Variants in SLC26A2 observed in about 807,000 individuals in gnomAD.
SLC26A2 encodes solute carrier family 26 member 2, also known as sulfate transporter.
A neutral mutation model predicts 41.1 loss-of-function variants in SLC26A2; 36 were observed. The ratio of observed to expected loss-of-function variants is 0.88; its 90% CI spans 0.67 to 1.16. The LOEUF (loss-of-function observed/expected upper bound fraction) is 1.16. Among genes scored for constraint, SLC26A2 ranks in the 50% most tolerant of loss-of-function variants. The pLI is 0.00. For missense variants in SLC26A2, 796 were observed against 869.6 expected (o/e 0.92, Z 1.07); for synonymous variants, 291 against 311.6 (o/e 0.93, Z 0.70).
At position 149,980,979 on chromosome 5, in the gene SLC26A2, G is replaced by A; in HGVS notation, c.1386G>A (p.Leu462=). 1.2e-6 allele frequency: 2 copies of A among 1,614,084 alleles called. No homozygotes were observed. The highest frequency in any genetic ancestry group is 1.7e-6 in the Non-Finnish European group (2 of 1,179,994). Residue 462 remains leucine (L), a synonymous_variant, in exon 3 of 3, where the codon CTG becomes CTA. Coordinates refer to ENST00000286298, the MANE Select transcript of SLC26A2 (RefSeq NM_000112.4). ...HTQLSGVVTA[L]VLLLVLLVIA... is the part of the protein sequence containing the mutation. Reference sequence around the variant, plus strand: ...AGCTTTCTGGTGTGGTAACAGCCCTGGTTCTTTTGTTGGTCCTCCTAGTAA... The same window carrying A: ...AGCTTTCTGGTGTGGTAACAGCCCTAGTTCTTTTGTTGGTCCTCCTAGTAA...
intron 1 of SLC26A2, among the ~76,000 whole-genome samples, chr5:149,964,361 C>T (rs939622641): frequency 5.9e-5 from 9 of 152,082 alleles, no homozygotes; most frequent in African/African-American, 1.9e-4. Flanking sequence ...GGCATGGTGG[C>T]GTGCACTTGT....
Position 149,984,261 on chromosome 5 carries a change from C to G in SLC26A2, c.*2448C>G, listed in dbSNP as rs962536306. 4 of 152,214 alleles carry G rather than the reference C, an allele frequency of 2.6e-5. No homozygotes were observed. The highest frequency in any genetic ancestry group is 7.2e-5 in the African/African-American group (3 of 41,438). 9.4% of individuals were successfully genotyped at this position (152,214 alleles called of 1,614,324 possible). A position where few individuals can be genotyped will look rare whatever the true frequency, so the allele number is the denominator to read the frequency against. Reference sequence around the variant, plus strand: ...GTCACTAGAATTTACATTTCATCCTCTCTACTTGGGTTGAGGTTGCCTATA... The same window carrying G: ...GTCACTAGAATTTACATTTCATCCTGTCTACTTGGGTTGAGGTTGCCTATA... On this transcript the variant is annotated 3_prime_UTR_variant, in exon 3 of 3. Transcript: ENST00000286298.
intron 1 of SLC26A2, among the ~76,000 whole-genome samples, chr5:149,970,073 T>C (rs1292112433): frequency 6.6e-6 from 1 of 152,174 alleles, no homozygotes; most frequent in East Asian, 1.9e-4. Context: ...TAAATAATAG[T>C]TTTGCTTATA....
chr5:149,974,842 C>T (rs1469505519), intron 1 of SLC26A2, among the ~76,000 whole-genome samples: 1 of 151,296 alleles, frequency 6.6e-6, no homozygotes, highest in African/African-American at 2.4e-5. Context: ...TCTCCTGCCT[C>T]GGCCTCGCGA....
intron 1 of SLC26A2, among the ~76,000 whole-genome samples, chr5:149,974,193 T>C (rs1233593710): frequency 6.6e-6 from 1 of 152,168 alleles, no homozygotes; most frequent in Non-Finnish European, 1.5e-5. Context: ...TACCACTCCA[T>C]CATGTTCTGG....
intron 1 of SLC26A2, among the ~76,000 whole-genome samples, chr5:149,964,438 C>G (rs1266146823): frequency 6.6e-6 from 1 of 152,144 alleles, no homozygotes; most frequent in African/African-American, 2.4e-5. Context: ...GATCATGCCA[C>G]TGCACTCCAG....
At chr5:149,969,559 A>G (rs1450272417) in intron 1 of SLC26A2, among the ~76,000 whole-genome samples, 1 of 151,974 alleles carries the variant, frequency 6.6e-6, no homozygotes, top group African/African-American at 2.4e-5. Flanking sequence ...TTCATCTTAG[A>G]TTTGTCTGTG....
rs1263341163 is a variant in SLC26A2 at position 149,986,809 on chromosome 5, T to C, written c.*4996T>C. The C allele has an allele frequency of 6.6e-6, 1 of 152,240 alleles. No homozygotes were observed. Among genetic ancestry groups the C allele is most frequent in the Non-Finnish European group, 1.5e-5 (1 of 68,046 alleles). 9.4% of individuals were successfully genotyped at this position (152,240 alleles called of 1,614,324 possible). ...AGCTTTAATCAACTTATTTTGGAGA[T>C]GTTCTCTTCCCTTATCTCATGCGTC... On this transcript the variant is annotated 3_prime_UTR_variant, in exon 3 of 3. Coordinates refer to ENST00000286298, the MANE Select transcript of SLC26A2 (RefSeq NM_000112.4).
chr5:149,982,643 A>T lies in SLC26A2; in HGVS notation c.*830A>T, dbSNP rs1406624403. 1 of 152,170 alleles carries T rather than the reference A, an allele frequency of 6.6e-6. No individual in the cohort carries two copies. The highest frequency in any genetic ancestry group is 1.5e-5 in the Non-Finnish European group (1 of 68,040). 9.4% of individuals were successfully genotyped at this position (152,170 alleles called of 1,614,324 possible). A position where few individuals can be genotyped will look rare whatever the true frequency, so the allele number is the denominator to read the frequency against. On this transcript the variant is annotated 3_prime_UTR_variant, in exon 3 of 3. Transcript: ENST00000286298. ...CTCTATTTTAGCTTTCAGTTATTCT[A>T]GTTTGTTTCCCATGGAATCTGTCCT...
chr5:149,978,532 T>A (rs1755037802), intron 2 of SLC26A2, among the ~76,000 whole-genome samples, 181 bp downstream of exon 2: 1 of 152,184 alleles, frequency 6.6e-6, no homozygotes, highest in Non-Finnish European at 1.5e-5. Context: ...AATATAAGGC[T>A]GGTTCACTGG....
chr5:149,976,229 C>T (rs1561818056), intron 1 of SLC26A2, among the ~76,000 whole-genome samples: 1 of 152,016 alleles, frequency 6.6e-6, no homozygotes, highest in Non-Finnish European at 1.5e-5. Context: ...TTCATTCATT[C>T]AAATGTTTTG....
At position 149,981,032 on chromosome 5, in the gene SLC26A2, A is replaced by G. The variant is rs756610256; in HGVS notation, c.1439A>G (p.Lys480Arg). Residue 480 changes from lysine (K) to arginine (R), a missense_variant, in exon 3 of 3, where the codon AAA becomes AGA. Coordinates refer to ENST00000286298, the MANE Select transcript of SLC26A2 (RefSeq NM_000112.4). The part of the protein sequence containing the change: ...VIAPLFYSLQ[K>R]SVLGVITIVN... ...GCTCCTTTGTTCTATTCCCTTCAAAAAAGTGTCCTTGGTGTGATCACAATT... is the reference window on the plus strand; with the variant it reads ...GCTCCTTTGTTCTATTCCCTTCAAAGAAGTGTCCTTGGTGTGATCACAATT... 1.9e-6 allele frequency: 3 copies of G among 1,614,118 alleles called. No homozygotes were observed. The highest frequency in any genetic ancestry group is 2.5e-6 in the Non-Finnish European group (3 of 1,180,012).
intron 1 of SLC26A2, among the ~76,000 whole-genome samples, chr5:149,976,415 G>A (rs1237452213): frequency 6.6e-6 from 1 of 152,178 alleles, no homozygotes. Context: ...ATTTGGGCTA[G>A]GGGAGATTGG....
At chr5:149,971,969 A>G (rs1364461020) in intron 1 of SLC26A2, among the ~76,000 whole-genome samples, 1 of 152,058 alleles carries the variant, frequency 6.6e-6, no homozygotes, top group East Asian at 1.9e-4. Context: ...AGCTCCTCCC[A>G]CTAATCCCCC....
At chr5:149,979,427 T>C (rs914358439) in intron 2 of SLC26A2, among the ~76,000 whole-genome samples, 5 of 152,118 alleles carry the variant, frequency 3.3e-5, no homozygotes, top group Admixed American at 3.3e-4. Context: ...TATTATTTAT[T>C]CATTTATTTA....
chr5:149,980,806 G>A lies in SLC26A2; in HGVS notation c.1213G>A (p.Ala405Thr), dbSNP rs1755083511. Residue 405 changes from alanine to threonine, a missense_variant, in exon 3 of 3, where the codon GCC (alanine) becomes ACC (threonine). Ala to Thr is a moderately conservative substitution (Grantham distance 58). Coordinates refer to ENST00000286298, the MANE Select transcript of SLC26A2 (RefSeq NM_000112.4). ...CACTGTATCACTTTCTGAGATGTTTGCCAAGAAACATGGTTACACAGTCAA... is the reference window on the plus strand; with the variant it reads ...CACTGTATCACTTTCTGAGATGTTTACCAAGAAACATGGTTACACAGTCAA... ...AITVSLSEMFAKKHGYTVKAN... is the reference protein window; with the variant it reads ...AITVSLSEMFTKKHGYTVKAN... The A allele has an allele frequency of 6.2e-7, 1 of 1,614,016 alleles. No individual in the cohort carries two copies. The highest frequency in any genetic ancestry group is 1.3e-5 in the African/African-American group (1 of 75,026).
chr5:149,985,730 A>G lies in SLC26A2; in HGVS notation c.*3917A>G, dbSNP rs910672245. On this transcript the variant is annotated 3_prime_UTR_variant, in exon 3 of 3. Coordinates refer to ENST00000286298, the MANE Select transcript of SLC26A2 (RefSeq NM_000112.4). ...CTACGTATTGTTACAGATGAGCCAT[A>G]CGTTTCTTTGTATCAATGTAGACAT... 6.6e-6 allele frequency: 1 copy of G among 152,190 alleles called. No individual in the cohort carries two copies. Among genetic ancestry groups the G allele is most frequent in the African/African-American group, 2.4e-5 (1 of 41,444 alleles). The allele number at this position is 152,190 out of a possible 1,614,324, so 9.4% of individuals were successfully genotyped here.
At chr5:149,974,162 T>C (rs1314810552) in intron 1 of SLC26A2, among the ~76,000 whole-genome samples, 2 of 152,160 alleles carry the variant, frequency 1.3e-5, no homozygotes, top group South Asian at 4.1e-4. Context: ...ATAAAAGATA[T>C]ATATTTCTTT....
rs761075019 is a variant in SLC26A2, at chr5:149,963,738, CTTTTT to C, written c.-26+2779_-26+2783del. Among the ~76,000 whole-genome samples the C allele has an allele frequency of 3.8e-4, 30 of 78,248 alleles. No homozygotes were observed. In the South Asian group the frequency reaches 4.8e-3, roughly 13 times the overall value. 51.3% of individuals were successfully genotyped at this position (78,248 alleles called of 152,430 possible). ...CCTGCTATTTTGCATATTTGTTTAACTTTTTTTTTTTTTTTTTTTTTTTTGTGGAG... is the reference window on the plus strand; with the variant it reads ...CCTGCTATTTTGCATATTTGTTTAACTTTTTTTTTTTTTTTTTTTGTGGAG... On this transcript the variant is annotated intron_variant, in intron 1 of 2. Transcript: ENST00000286298.
Sources: allele counts gnomAD v4.1 joint callset (sites outside exome capture counted in the v4.1 genomes callset), GRCh38; gene constraint gnomAD v4.1.1; transcripts MANE v1.5; gene names NCBI Gene and HGNC (gene_info 2026-07-23, HGNC 2026-07-21).